The following CNOT10 variants were observed in gnomAD, a reference collection of about 807,000 sequenced individuals.
CNOT10 encodes the protein CCR4-NOT transcription complex, subunit 10.
CNOT10 carries 30 observed loss-of-function variants against 94.6 expected under a neutral mutation model. The observed-to-expected ratio is 0.32, with a 90% CI of 0.24 to 0.43. The LOEUF (loss-of-function observed/expected upper bound fraction) is 0.43. Ranked by LOEUF, CNOT10 falls within the 20% of genes least tolerant of loss-of-function variation. The probability of loss-of-function intolerance (pLI) is 1.00; values close to 1 mark genes in which losing one functional copy is unlikely to be tolerated. For missense variants in CNOT10, 759 were observed against 877.2 expected (o/e 0.87, Z 1.70); for synonymous variants, 289 against 301.6 (o/e 0.96, Z 0.43).
At chr3:32,754,973 A>G (rs910883816) in intron 13 of CNOT10, among the ~76,000 whole-genome samples, 6 of 150,516 alleles carry the variant, frequency 4.0e-5, no homozygotes, top group African/African-American at 1.2e-4. Context: ...TTAACCGGGC[A>G]TGGTGGCTCA....
chr3:32,704,807 T>C lies in CNOT10; in HGVS notation c.118-4T>C. 1 of 1,563,706 alleles carries C rather than the reference T, an allele frequency of 6.4e-7. No individual in the cohort carries two copies. Among genetic ancestry groups the C allele is most frequent in the African/African-American group, 1.4e-5 (1 of 71,006 alleles). On this transcript the variant is annotated splice_region_variant and splice_polypyrimidine_tract_variant and intron_variant, in intron 2 of 18. Transcript: ENST00000328834. The stretch of plus-strand genomic sequence containing the variant: ...TGTGTGTGTGTGTGGTTTTTTTTTT[T>C]TAGTCTGGAAATTATGATGCCTGTC...
intron 13 of CNOT10, among the ~76,000 whole-genome samples, chr3:32,751,246 G>A (rs1699953459): frequency 6.6e-6 from 1 of 151,860 alleles, no homozygotes; most frequent in South Asian, 2.1e-4. Flanking sequence ...GACTACAGAT[G>A]TGCACCACCA....
In CNOT10 at chr3:32,764,437, A is replaced by G. The variant is rs367922117; in HGVS notation, c.1841-18A>G. 3.1e-6 allele frequency: 5 copies of G among 1,613,232 alleles called. No homozygotes were observed. In the African/African-American group the frequency reaches 5.3e-5, roughly 17 times the overall value. ...CTCTGTTGTTCTGCCCCTCAGATTTATTTTCGTGTTTTTGTAGGATCAGAC... is the reference window on the plus strand; with the variant it reads ...CTCTGTTGTTCTGCCCCTCAGATTTGTTTTCGTGTTTTTGTAGGATCAGAC... On this transcript the variant is annotated intron_variant, in intron 15 of 18. Coordinates refer to ENST00000328834, the MANE Select transcript of CNOT10 (RefSeq NM_015442.3).
intron 10 of CNOT10, among the ~76,000 whole-genome samples, chr3:32,731,784 A>AT (rs1698966020): frequency 6.6e-6 from 1 of 151,994 alleles, no homozygotes; most frequent in Middle Eastern, 3.4e-3. Context: ...GCTTAGTTTT[A>AT]TTTTTTAGAT....
chr3:32,754,476 C>CAAAAAAAAAAA (rs1553637886), intron 13 of CNOT10, among the ~76,000 whole-genome samples: 1 of 36,256 alleles, frequency 2.8e-5, no homozygotes. Flanking sequence ...GACTCCGTCT[C>CAAAAAAAAAAA]AAAAAAAAAA....
At chr3:32,773,356 T>C in intron 18 of CNOT10, 101 bp from the exon 19 acceptor site, 1 of 1,236,504 alleles carries the variant, frequency 8.1e-7, no homozygotes, top group Non-Finnish European at 1.1e-6. Flanking sequence ...TGACAGCTCT[T>C]CTAGATCATC....
intron 10 of CNOT10, 63 bp from the exon 11 acceptor site, chr3:32,733,360 T>G: frequency 1.6e-6 from 2 of 1,288,382 alleles, no homozygotes; most frequent in Non-Finnish European, 2.1e-6. Flanking sequence ...AGATATTCCC[T>G]CATTTTTTAT....
chr3:32,704,648 A>G (rs1375614120), intron 2 of CNOT10, among the ~76,000 whole-genome samples, 163 bp from the exon 3 acceptor site: 1 of 152,194 alleles, frequency 6.6e-6, no homozygotes, highest in Admixed American at 6.5e-5. Context: ...TTTAACTGAC[A>G]TGAATGTTGC....
intron 13 of CNOT10, among the ~76,000 whole-genome samples, chr3:32,743,644 A>G (rs1198041425): frequency 6.6e-6 from 1 of 152,028 alleles, no homozygotes; most frequent in Non-Finnish European, 1.5e-5. Context: ...ACATACACAC[A>G]CGCACAAAAA....
chr3:32,759,158 T>C (rs1700336530), intron 13 of CNOT10, among the ~76,000 whole-genome samples: 1 of 151,646 alleles, frequency 6.6e-6, no homozygotes, highest in Non-Finnish European at 1.5e-5. Context: ...TGTGTGTATT[T>C]ATCTATACAT....
At chr3:32,727,518 G>A (rs1035007057) in intron 9 of CNOT10, 150 bp from the exon 10 acceptor site, 2 of 608,834 alleles carry the variant, frequency 3.3e-6, no homozygotes, top group Non-Finnish European at 5.8e-6. Context: ...GTTGAGAATG[G>A]AGACCACCAT....
At chr3:32,720,832 C>T (rs1400471344) in intron 8 of CNOT10, among the ~76,000 whole-genome samples, 1 of 95,808 alleles carries the variant, frequency 1.0e-5, no homozygotes, top group Non-Finnish European at 2.0e-5. Context: ...GCCCTCCCTC[C>T]CTCCCTTCCT....
At chr3:32,734,046 C>T (rs1404353297) in intron 11 of CNOT10, among the ~76,000 whole-genome samples, 1 of 152,122 alleles carries the variant, frequency 6.6e-6, no homozygotes, top group East Asian at 1.9e-4. Context: ...AAGTGGCAAA[C>T]TTTGCAAATA....
intron 1 of CNOT10, among the ~76,000 whole-genome samples, chr3:32,691,428 T>G (rs1455567561): frequency 3.3e-5 from 5 of 151,998 alleles, no homozygotes; most frequent in Non-Finnish European, 7.4e-5. Flanking sequence ...CCCAAAGTGC[T>G]GGGATTAACA....
intron 8 of CNOT10, among the ~76,000 whole-genome samples, chr3:32,723,500 A>C (rs1183792560): frequency 6.6e-6 from 1 of 152,228 alleles, no homozygotes; most frequent in African/African-American, 2.4e-5. Flanking sequence ...TAAAAGCAGT[A>C]AGATAAAACT....
At chr3:32,753,836 T>C (rs748710165) in intron 13 of CNOT10, 19 of 1,540,132 alleles carry the variant, frequency 1.2e-5, no homozygotes, top group Non-Finnish European at 1.6e-5. Context: ...GAGTACCAGC[T>C]GGTCTGATGT....
intron 17 of CNOT10, among the ~76,000 whole-genome samples, chr3:32,768,050 G>A (rs1218849086): frequency 6.6e-6 from 1 of 152,098 alleles, no homozygotes; most frequent in Non-Finnish European, 1.5e-5. Flanking sequence ...GGCCCACCCT[G>A]CCTGGGAGGG....
chr3:32,704,726 A>G, intron 2 of CNOT10, 85 bp from the exon 3 acceptor site: 1 of 1,401,382 alleles, frequency 7.1e-7, no homozygotes. Flanking sequence ...TAAGATAAAG[A>G]TGAATGAAAT....
chr3:32,686,630 G>A (rs556263281), intron 1 of CNOT10, among the ~76,000 whole-genome samples: 266 of 152,326 alleles, frequency 1.7e-3, no homozygotes, highest in Non-Finnish European at 2.9e-3. Flanking sequence ...GAGGGAATGA[G>A]CCATAAGAAA....
Sources: gnomAD v4.1 joint callset for allele counts (sites outside exome capture counted in the v4.1 genomes callset) on GRCh38, gnomAD v4.1.1 for gene constraint, MANE v1.5 for transcripts, NCBI Gene and HGNC (gene_info 2026-07-23, HGNC 2026-07-21) for gene names.